INPP4B: variants seen among roughly 807,000 people sequenced by gnomAD.
The protein encoded by INPP4B is inositol polyphosphate-4-phosphatase type II B, also known as inositol polyphosphate 4-phosphatase type II.
In INPP4B, 55 loss-of-function variants were observed where a neutral mutation model predicts 122.5. The observed-to-expected ratio is 0.45, with a 90% CI of 0.36 to 0.56. The LOEUF is 0.56. Among genes scored for constraint, INPP4B ranks in the 20% least tolerant of loss-of-function variants. The pLI is 0.00. For synonymous variants in INPP4B, 403 were observed against 388.7 expected, an observed-to-expected ratio of 1.04 and a Z score of -0.43; for missense variants, 1,000 against 1,097.7, an observed-to-expected ratio of 0.91 and a Z score of 1.26.
intron 1 of INPP4B, among the ~76,000 whole-genome samples, chr4:142,808,436 T>A (rs567651242): frequency 6.6e-6 from 1 of 152,296 alleles, no homozygotes; most frequent in Non-Finnish European, 1.5e-5. Flanking sequence ...AATCATCTAG[T>A]CAGGAAGAAA....
At chr4:142,577,674 AG>A (rs1315794022) in intron 2 of INPP4B, among the ~76,000 whole-genome samples, 1 of 151,978 alleles carries the variant, frequency 6.6e-6, no homozygotes, top group Non-Finnish European at 1.5e-5. Context: ...CATATGTAAA[AG>A]GGGCATAATA....
intron 2 of INPP4B, among the ~76,000 whole-genome samples, chr4:142,626,199 CT>C (rs1746352921): frequency 1.3e-5 from 2 of 152,072 alleles, no homozygotes; most frequent in South Asian, 4.2e-4. Flanking sequence ...AACAGGCAAC[CT>C]ACAAAATTCA....
chr4:142,405,357 A>C, intron 5 of INPP4B, 33 bp from the exon 6 acceptor site: 1 of 1,268,836 alleles, frequency 7.9e-7, no homozygotes, highest in East Asian at 2.3e-5. Flanking sequence ...AAAGAAAAGA[A>C]ACTAACACCA....
At chr4:142,529,244 AT>A (rs1827299287) in intron 2 of INPP4B, among the ~76,000 whole-genome samples, 1 of 152,136 alleles carries the variant, frequency 6.6e-6, no homozygotes, top group African/African-American at 2.4e-5. Flanking sequence ...CTACATTGCT[AT>A]TAACCTTTGG....
At chr4:142,320,114 C>G (rs1397018513) in intron 7 of INPP4B, among the ~76,000 whole-genome samples, 1 of 152,202 alleles carries the variant, frequency 6.6e-6, no homozygotes, top group Non-Finnish European at 1.5e-5. Flanking sequence ...ATGCTCTAAA[C>G]TCCTGAGGCC....
At chr4:142,547,452 G>C (rs147989531) in intron 2 of INPP4B, among the ~76,000 whole-genome samples, 6 of 152,168 alleles carry the variant, frequency 3.9e-5, no homozygotes, top group Non-Finnish European at 7.4e-5. Context: ...AAATATTTAT[G>C]AGTGGCTCCA....
chr4:142,152,062 TTTTC>T (rs367760619), intron 17 of INPP4B, among the ~76,000 whole-genome samples: 20 of 122,100 alleles, frequency 1.6e-4, no homozygotes, highest in African/African-American at 6.5e-4. Flanking sequence ...CTTTTTTGTC[TTTTC>T]TTTTTTTTTT....
chr4:142,434,600 A>T lies in INPP4B; in HGVS notation c.-126-3215T>A, dbSNP rs534380245. Reference sequence around the variant, plus strand: ...GCTCTCAAAGTGTGGATAAAAAGGAAGCTGAGCTGAGACCTAGCACATGTC... The same window carrying T: ...GCTCTCAAAGTGTGGATAAAAAGGATGCTGAGCTGAGACCTAGCACATGTC... On this transcript the variant is annotated intron_variant, in intron 3 of 25. Transcript: ENST00000262992. Among the ~76,000 whole-genome samples, 29 of 152,274 alleles carry T rather than the reference A, an allele frequency of 1.9e-4. No homozygotes were observed. In the South Asian group the frequency reaches 5.2e-3, roughly 27 times the overall value.
intron 2 of INPP4B, among the ~76,000 whole-genome samples, chr4:142,634,179 T>A (rs896785261): frequency 6.6e-6 from 1 of 152,190 alleles, no homozygotes; most frequent in South Asian, 2.1e-4. Flanking sequence ...ATCTGAATAA[T>A]CTTATCACTA....
At chr4:142,295,800 T>G (rs1172391042) in intron 9 of INPP4B, among the ~76,000 whole-genome samples, 1 of 151,920 alleles carries the variant, frequency 6.6e-6, no homozygotes, top group Non-Finnish European at 1.5e-5. Context: ...AGAATTCCTT[T>G]ATTCAAAAAA....
chr4:142,832,441 C>A (rs1782262908), intron 1 of INPP4B, among the ~76,000 whole-genome samples: 1 of 152,152 alleles, frequency 6.6e-6, no homozygotes, highest in African/African-American at 2.4e-5. Flanking sequence ...AGCTAAATAA[C>A]CATTTTCCAA....
At chr4:142,042,282 C>A (rs1439276069) in intron 25 of INPP4B, among the ~76,000 whole-genome samples, 2 of 152,086 alleles carry the variant, frequency 1.3e-5, no homozygotes, top group East Asian at 3.9e-4. Context: ...TCCATGGAAT[C>A]AAAATTCAGC....
chr4:142,635,636 T>C (rs1458090927), intron 2 of INPP4B, among the ~76,000 whole-genome samples: 1 of 152,094 alleles, frequency 6.6e-6, no homozygotes, highest in African/African-American at 2.4e-5. Context: ...TGTTCTCACT[T>C]GTCAATAGGA....
intron 1 of INPP4B, among the ~76,000 whole-genome samples, chr4:142,800,788 T>C (rs1777900147): frequency 6.6e-6 from 1 of 152,326 alleles, no homozygotes; most frequent in Middle Eastern, 3.4e-3. Flanking sequence ...TCCTTAGTAC[T>C]ATGCTTGGAA....
At chr4:142,351,809 G>A (rs1055446792) in intron 7 of INPP4B, among the ~76,000 whole-genome samples, 13 of 151,878 alleles carry the variant, frequency 8.6e-5, no homozygotes, top group Non-Finnish European at 1.6e-4. Context: ...TAAGAGTTGG[G>A]GTTAAAATGT....
chr4:142,268,368 G>A (rs1010481391), intron 10 of INPP4B, among the ~76,000 whole-genome samples: 2 of 111,842 alleles, frequency 1.8e-5, no homozygotes, highest in African/African-American at 6.0e-5. Context: ...TACTGGTGAG[G>A]GTGTAGAGGG....
chr4:142,048,421 G>A (rs1752712658), intron 25 of INPP4B, among the ~76,000 whole-genome samples: 1 of 152,026 alleles, frequency 6.6e-6, no homozygotes, highest in East Asian at 1.9e-4. Flanking sequence ...TTAGGCTTAG[G>A]GTGACTTGTG....
intron 25 of INPP4B, among the ~76,000 whole-genome samples, chr4:142,040,851 C>T (rs116656946): frequency 0.015 from 2,330 of 152,256 alleles, 56 homozygotes; most frequent in African/African-American, 0.053. Flanking sequence ...TCTAGTTTGT[C>T]ATTCTCCTGG....
intron 4 of INPP4B, among the ~76,000 whole-genome samples, chr4:142,429,874 T>C (rs995822075): frequency 6.6e-6 from 1 of 152,044 alleles, no homozygotes; most frequent in Non-Finnish European, 1.5e-5. Context: ...AGTGATCACA[T>C]TGTGGGAAGT....
Sources: gnomAD v4.1 joint callset for allele counts (sites outside exome capture counted in the v4.1 genomes callset) on GRCh38, gnomAD v4.1.1 for gene constraint, MANE v1.5 for transcripts, NCBI Gene and HGNC (gene_info 2026-07-23, HGNC 2026-07-21) for gene names.